The following PRKG2 variants were observed in gnomAD, a reference collection of about 807,000 sequenced individuals.
PRKG2 encodes the protein protein kinase cGMP-dependent 2.
Under a neutral mutation model 97.2 loss-of-function variants are expected in PRKG2, and 33 were observed. The ratio of observed to expected loss-of-function variants is 0.34; its 90% CI spans 0.26 to 0.45. PRKG2 has a LOEUF of 0.45. Among genes scored for constraint, PRKG2 ranks in the 20% least tolerant of loss-of-function variants. PRKG2 has a pLI of 1.00. For synonymous variants in PRKG2, 330 were observed against 321.8 expected, an observed-to-expected ratio of 1.03 and a Z score of -0.27; for missense variants, 638 against 900.0, an observed-to-expected ratio of 0.71 and a Z score of 3.73.
At chr4:81,128,080 T>C (rs1327019172) in intron 14 of PRKG2, among the ~76,000 whole-genome samples, 1 of 152,218 alleles carries the variant, frequency 6.6e-6, no homozygotes, top group African/African-American at 2.4e-5. Context: ...CTGCATCTAT[T>C]GAGATAATCA....
intron 2 of PRKG2, among the ~76,000 whole-genome samples, chr4:81,181,455 C>T (rs994731325): frequency 1.4e-4 from 21 of 146,908 alleles, no homozygotes; most frequent in African/African-American, 5.3e-4. Context: ...GCGTCCTAAG[C>T]GTCCATCTCA....
intron 15 of PRKG2, among the ~76,000 whole-genome samples, 169 bp downstream of exon 15, chr4:81,110,279 A>T (rs1022744103): frequency 6.6e-6 from 1 of 151,982 alleles, no homozygotes. Context: ...TTATGTTATA[A>T]ACCAGCAAGT....
intron 17 of PRKG2, among the ~76,000 whole-genome samples, chr4:81,093,585 T>G (rs1450655154): frequency 1.3e-5 from 2 of 152,160 alleles, no homozygotes; most frequent in African/African-American, 4.8e-5. Context: ...GAGTAGTGCT[T>G]GATATGGGAC....
At chr4:81,154,661 G>A (rs1748826464) in intron 6 of PRKG2, among the ~76,000 whole-genome samples, 1 of 151,784 alleles carries the variant, frequency 6.6e-6, no homozygotes, top group African/African-American at 2.4e-5. Context: ...AAACCACAAA[G>A]ATGGGGAAAA....
upstream of PRKG2, among the ~76,000 whole-genome samples, chr4:81,215,412 T>G (rs788861): frequency 0.32 from 48,220 of 152,094 alleles, 7,950 homozygotes; most frequent in African/African-American, 0.4. Flanking sequence ...ATACCCTCCA[T>G]AGTGAGGCAA....
chr4:81,185,396 G>A (rs1432401040), intron 2 of PRKG2, among the ~76,000 whole-genome samples: 1 of 152,088 alleles, frequency 6.6e-6, no homozygotes, highest in African/African-American at 2.4e-5. Flanking sequence ...AAGCAAAGGA[G>A]AAATAAAATC....
At chr4:81,157,903 T>G (rs1749250166) in intron 6 of PRKG2, among the ~76,000 whole-genome samples, 1 of 146,702 alleles carries the variant, frequency 6.8e-6, no homozygotes, top group Non-Finnish European at 1.5e-5. Context: ...AAACTCTCAA[T>G]AAATTAGGTA....
chr4:81,140,691 A>C lies in PRKG2; in HGVS notation c.1408-22T>G, dbSNP rs757840555. On this transcript the variant is annotated intron_variant, in intron 11 of 18. Transcript: ENST00000264399. ...TAACCTATGTAAGAAATGGAAAGAT[A>C]CCTCAAAATTAACTTATATCTATAT... 6.3e-7 allele frequency: 1 copy of C among 1,580,954 alleles called. No homozygotes were observed. The highest frequency in any genetic ancestry group is 1.3e-5 in the African/African-American group (1 of 74,200).
chr4:81,170,393 G>T (rs1424812155), intron 4 of PRKG2, among the ~76,000 whole-genome samples: 1 of 152,038 alleles, frequency 6.6e-6, no homozygotes, highest in South Asian at 2.1e-4. Flanking sequence ...AGAAGTGGTG[G>T]CTCTAAAAAA....
chr4:81,138,890 T>C (rs1438403996), intron 12 of PRKG2, among the ~76,000 whole-genome samples: 2 of 152,198 alleles, frequency 1.3e-5, no homozygotes, highest in Admixed American at 6.5e-5. Flanking sequence ...TTGCCAGCAC[T>C]GCCTGGGTTC....
At chr4:81,098,380 G>C (rs1430227689) in intron 17 of PRKG2, among the ~76,000 whole-genome samples, 2 of 152,066 alleles carry the variant, frequency 1.3e-5, no homozygotes, top group Non-Finnish European at 2.9e-5. Flanking sequence ...ATAGAACCCT[G>C]AATAATACAT....
intron 17 of PRKG2, among the ~76,000 whole-genome samples, 156 bp from the exon 18 acceptor site, chr4:81,092,608 C>T (rs776092292): frequency 5.3e-5 from 8 of 152,176 alleles, no homozygotes; most frequent in Non-Finnish European, 1.2e-4. Context: ...CACTTATATG[C>T]TAATTATTCC....
intron 2 of PRKG2, among the ~76,000 whole-genome samples, chr4:81,189,003 C>G (rs1313413572): frequency 1.2e-5 from 1 of 83,334 alleles, no homozygotes; most frequent in Admixed American, 1.3e-4. Context: ...TGCACATGTA[C>G]CCTAAAACTT....
chr4:81,217,056 T>C (rs1184649996), upstream of PRKG2, among the ~76,000 whole-genome samples: 2 of 132,028 alleles, frequency 1.5e-5, no homozygotes, highest in Non-Finnish European at 3.0e-5. Flanking sequence ...TATATATATG[T>C]GTATATATAT....
rs1741212390 is a variant in PRKG2 at position 81,087,437 on chromosome 4, T to C, written c.*2271A>G. 1 of 152,122 alleles carries C rather than the reference T, an allele frequency of 6.6e-6. No homozygotes were observed. Among genetic ancestry groups the C allele is most frequent in the Admixed American group, 6.6e-5 (1 of 15,260 alleles). The allele number at this position is 152,122 out of a possible 1,614,324, so 9.4% of individuals were successfully genotyped here. A position where few individuals can be genotyped will look rare whatever the true frequency, so the allele number is the denominator to read the frequency against. The stretch of plus-strand genomic sequence containing the variant: ...AAAAAAAGACAGATACTGGATTTGA[T>C]AAGTACAATTCTGCATACAGATACC... On this transcript the variant is annotated 3_prime_UTR_variant, in exon 19 of 19. Coordinates refer to ENST00000264399, the MANE Select transcript of PRKG2 (RefSeq NM_006259.3).
chr4:81,124,465 T>A (rs1430177683), intron 14 of PRKG2, among the ~76,000 whole-genome samples: 5 of 152,218 alleles, frequency 3.3e-5, no homozygotes, highest in Admixed American at 3.3e-4. Context: ...CAGAATACAC[T>A]GCAAGTGCTA....
chr4:81,157,256 C>T (rs1450153306), intron 6 of PRKG2, among the ~76,000 whole-genome samples: 16 of 151,708 alleles, frequency 1.1e-4, no homozygotes, highest in Non-Finnish European at 2.1e-4. Flanking sequence ...ATATCACCAC[C>T]GATCCCACAG....
At chr4:81,135,657 T>A (rs1281048529) in intron 13 of PRKG2, among the ~76,000 whole-genome samples, 2 of 152,186 alleles carry the variant, frequency 1.3e-5, no homozygotes, top group African/African-American at 4.8e-5. Flanking sequence ...ACCAGACTTT[T>A]GCAACTTATT....
chr4:81,102,475 T>C (rs548709056), intron 17 of PRKG2, among the ~76,000 whole-genome samples: 1 of 152,122 alleles, frequency 6.6e-6, no homozygotes, highest in Non-Finnish European at 1.5e-5. Context: ...CATTTCATGA[T>C]GAGAAAAGAA....
Sources: gnomAD v4.1 joint callset for allele counts (sites outside exome capture counted in the v4.1 genomes callset) on GRCh38, gnomAD v4.1.1 for gene constraint, MANE v1.5 for transcripts, NCBI Gene and HGNC (gene_info 2026-07-23, HGNC 2026-07-21) for gene names.